Variants in PTCD3 observed in about 807,000 individuals in gnomAD.
PTCD3 encodes pentatricopeptide repeat domain 3.
In PTCD3, 89 loss-of-function variants were observed where a neutral mutation model predicts 101.9. That is an observed-to-expected ratio of 0.87 (90% CI 0.74 to 1.04). The LOEUF (loss-of-function observed/expected upper bound fraction) is 1.04, where lower values mean the gene tolerates loss of function less well. PTCD3 is among the 50% of genes least tolerant of loss of function. The pLI is 0.00. For synonymous variants in PTCD3, 296 were observed against 278.5 expected (o/e 1.06, Z -0.63); for missense variants, 870 against 828.2 (o/e 1.05, Z -0.62).
intron 4 of PTCD3, among the ~76,000 whole-genome samples, chr2:86,114,955 A>C (rs1484676973): frequency 1.3e-5 from 2 of 152,184 alleles, no homozygotes; most frequent in Non-Finnish European, 2.9e-5. Context: ...GTGTCTACCA[A>C]AGCTCATTAG....
intron 4 of PTCD3, among the ~76,000 whole-genome samples, chr2:86,113,426 C>G (rs769828320): frequency 2.6e-5 from 4 of 152,160 alleles, no homozygotes; most frequent in Non-Finnish European, 5.9e-5. Context: ...GCCACAGTAT[C>G]TGTATGGATA....
chr2:86,135,897 C>G (rs967711173), intron 21 of PTCD3: 1 of 518,534 alleles, frequency 1.9e-6, no homozygotes, highest in Non-Finnish European at 3.8e-6. Context: ...CGCAGGGGTA[C>G]GGACCTCAGC....
At chr2:86,109,854 A>G (rs563864094) in intron 3 of PTCD3, among the ~76,000 whole-genome samples, 13 of 152,370 alleles carry the variant, frequency 8.5e-5, no homozygotes, top group Middle Eastern at 3.4e-3. Context: ...TATATTTAAT[A>G]ACATGGATAG....
intron 13 of PTCD3, 150 bp downstream of exon 13, chr2:86,127,455 A>G (rs1674416666): frequency 3.4e-6 from 3 of 879,816 alleles, no homozygotes; most frequent in Non-Finnish European, 5.1e-6. Flanking sequence ...ACTTACATGT[A>G]CTTATTATAG....
At chr2:86,137,210 C>A in intron 23 of PTCD3, 70 bp downstream of exon 23, 1 of 1,468,476 alleles carries the variant, frequency 6.8e-7, no homozygotes, top group South Asian at 1.4e-5. Flanking sequence ...TCAAAATGTT[C>A]ATAGCTTTCT....
At chr2:86,119,205 CT>C in intron 7 of PTCD3, 161 bp downstream of exon 7, 1 of 944,434 alleles carries the variant, frequency 1.1e-6, no homozygotes, top group Non-Finnish European at 1.5e-6. Context: ...TCATTTTTAG[CT>C]TTAGTGTTAC....
At chr2:86,128,654 C>G (rs569706554) in intron 14 of PTCD3, among the ~76,000 whole-genome samples, 1 of 152,084 alleles carries the variant, frequency 6.6e-6, no homozygotes, top group Admixed American at 6.5e-5. Context: ...TATTGTGAAG[C>G]GTTTTGGGAG....
Position 86,134,900 on chromosome 2 carries a change from TCAG to T in PTCD3, c.1692_1694del (p.Arg565del). 6.2e-7 allele frequency: 1 copy of T among 1,614,122 alleles called. No homozygotes were observed. Among genetic ancestry groups the T allele is most frequent in the Non-Finnish European group, 8.5e-7 (1 of 1,179,998 alleles). On this transcript the variant is annotated inframe_deletion, in exon 21 of 24. Coordinates refer to ENST00000254630, the MANE Select transcript of PTCD3 (RefSeq NM_017952.6). ...AAATCTGCGTATGAAAGCCAACCCA[TCAG>T]ACAGACTGCTCAGGATTGGCCAGCC...
At position 86,133,216 on chromosome 2, in the gene PTCD3, T is replaced by C. The variant is rs151100815; in HGVS notation, c.1412T>C (p.Ile471Thr). 1.3e-5 allele frequency: 21 copies of C among 1,614,002 alleles called. No homozygotes were observed. The highest frequency in any genetic ancestry group is 8.3e-5 in the Admixed American group (5 of 60,004). The change falls in exon 18 of 24, where the codon ATT becomes ACT. Residue 471 changes from isoleucine (I) to threonine (T), a missense_variant. Ile to Thr is a moderately conservative substitution (Grantham distance 89, BLOSUM62 -1). Coordinates refer to ENST00000254630, the MANE Select transcript of PTCD3 (RefSeq NM_017952.6). ...FFDLICLMEQ[I>T]DVTLKWYEDL... Reference sequence around the variant, plus strand: ...GATTTGATTTGTCTAATGGAACAAATTGATGTTACCTTGAAGTGGTATGAG... The same window carrying C: ...GATTTGATTTGTCTAATGGAACAAACTGATGTTACCTTGAAGTGGTATGAG...
chr2:86,133,208 G>A lies in PTCD3; in HGVS notation c.1404G>A (p.Met468Ile). The A allele has an allele frequency of 6.2e-7, 1 of 1,614,022 alleles. No individual in the cohort carries two copies. The highest frequency in any genetic ancestry group is 1.7e-5 in the Admixed American group (1 of 60,014). Residue 468 changes from methionine (M) to isoleucine (I), a missense_variant, in exon 18 of 24, where the codon ATG (methionine) becomes ATA (isoleucine). Transcript: ENST00000254630. ...YSKFFDLICL[M>I]EQIDVTLKWY... is the part of the protein sequence containing the mutation. ...AGTTCTTCGATTTGATTTGTCTAAT[G>A]GAACAAATTGATGTTACCTTGAAGT...
At chr2:86,108,425 T>C (rs374165289) in intron 2 of PTCD3, 23 bp downstream of exon 2, 21 of 1,596,674 alleles carry the variant, frequency 1.3e-5, no homozygotes, top group Middle Eastern at 1.8e-4. Flanking sequence ...ATATATTGAA[T>C]TCTATTTTTA....
At chr2:86,118,868 C>G (rs1404449454) in intron 6 of PTCD3, 53 bp from the exon 7 acceptor site, 1 of 1,570,500 alleles carries the variant, frequency 6.4e-7, no homozygotes, top group Non-Finnish European at 8.6e-7. Flanking sequence ...ACTCAGTTAT[C>G]CTTCCCTCAC....
At chr2:86,110,981 C>T (rs1321263916) in intron 3 of PTCD3, 132 bp from the exon 4 acceptor site, 5 of 849,468 alleles carry the variant, frequency 5.9e-6, no homozygotes, top group Admixed American at 1.7e-5. Context: ...ATTCTAGTGA[C>T]CTTGTGACAT....
chr2:86,136,734 C>T (rs1432723703), intron 22 of PTCD3, 172 bp downstream of exon 22: 2 of 807,574 alleles, frequency 2.5e-6, no homozygotes, highest in Non-Finnish European at 4.0e-6. Flanking sequence ...TCTGTGTTGA[C>T]GGATCATCAT....
At chr2:86,107,175 A>G (rs1258364403) in intron 1 of PTCD3, 2 of 471,100 alleles carry the variant, frequency 4.2e-6, no homozygotes, top group Admixed American at 2.3e-5. Flanking sequence ...TTGTGCTGCC[A>G]TTCAATGCCA....
chr2:86,112,378 A>G (rs112515430), intron 4 of PTCD3, among the ~76,000 whole-genome samples: 3,551 of 147,834 alleles, frequency 0.024, 132 homozygotes, highest in African/African-American at 0.08. Context: ...TTTTAAGAAT[A>G]AAATTATTGG....
chr2:86,132,366 T>C lies in PTCD3; in HGVS notation c.1315T>C (p.Leu439=). 1 of 1,610,478 alleles carries C rather than the reference T, an allele frequency of 6.2e-7. No individual in the cohort carries two copies. Among genetic ancestry groups the C allele is most frequent in the African/African-American group, 1.3e-5 (1 of 74,972 alleles). ...ACTTGCCTACCAAGTACATGGCCTT[T>C]TAAAAACCGGAGACAACTGGAAATT... ...LELAYQVHGL[L]KTGDNWKFIG... The change falls in exon 17 of 24, where the codon TTA becomes CTA. Residue 439 remains leucine, a synonymous_variant. Transcript: ENST00000254630.
At chr2:86,136,490 G>C (rs925546381) in intron 21 of PTCD3, 31 bp from the exon 22 acceptor site, 1 of 1,581,626 alleles carries the variant, frequency 6.3e-7, no homozygotes, top group African/African-American at 1.3e-5. Context: ...TTTTCTAATA[G>C]TATTCATAAT....
intron 22 of PTCD3, 41 bp downstream of exon 22, chr2:86,136,603 A>T: frequency 1.9e-6 from 3 of 1,579,604 alleles, no homozygotes; most frequent in Non-Finnish European, 2.6e-6. Context: ...TACAGCCTGG[A>T]AGTAGCCACA....
Sources: allele counts gnomAD v4.1 joint callset (sites outside exome capture counted in the v4.1 genomes callset), GRCh38; gene constraint gnomAD v4.1.1; transcripts MANE v1.5; gene names NCBI Gene and HGNC (gene_info 2026-07-23, HGNC 2026-07-21).